ADAMTS6: variants seen among roughly 807,000 people sequenced by gnomAD.
ADAMTS6 encodes ADAM metallopeptidase with thrombospondin type 1 motif 6.
A neutral mutation model predicts 144.3 loss-of-function variants in ADAMTS6; 23 were observed. The ratio of observed to expected loss-of-function variants is 0.16; its 90% CI spans 0.11 to 0.23. The LOEUF (loss-of-function observed/expected upper bound fraction) is 0.23, where lower values mean the gene tolerates loss of function less well. Ranked by LOEUF, ADAMTS6 falls within the 10% of genes least tolerant of loss-of-function variation. The pLI is 1.00. For missense variants in ADAMTS6, 999 were observed against 1,379.6 expected (o/e 0.72, Z 4.37); for synonymous variants, 444 against 457.5 (o/e 0.97, Z 0.38).
rs1344915274 is a variant in ADAMTS6 at position 65,424,988 on chromosome 5, TTTTG to T, written c.1073+26483_1073+26486del. On this transcript the variant is annotated intron_variant, in intron 7 of 24. Transcript: ENST00000381055. ...CTTCTCCTAGTGATATACACAGATT[TTTTG>T]TTTGTTTGTTTTGTTTTTTTTGAGA... Among the ~76,000 whole-genome samples the T allele has an allele frequency of 3.3e-5, 5 of 152,072 alleles. No individual in the cohort carries two copies. In the East Asian group the frequency reaches 5.8e-4, roughly 18 times the overall value.
intron 7 of ADAMTS6, among the ~76,000 whole-genome samples, chr5:65,348,410 G>C (rs920673865): frequency 6.6e-6 from 1 of 152,032 alleles, no homozygotes; most frequent in African/African-American, 2.4e-5. Context: ...CAGGCACAGA[G>C]GGACAAATAC....
intron 20 of ADAMTS6, among the ~76,000 whole-genome samples, chr5:65,201,946 A>G (rs1320227893): frequency 6.6e-6 from 1 of 152,226 alleles, no homozygotes; most frequent in African/African-American, 2.4e-5. Context: ...GATAGCATCC[A>G]AAGAGTGACA....
intron 12 of ADAMTS6, among the ~76,000 whole-genome samples, chr5:65,269,901 C>T (rs569645358): frequency 6.6e-5 from 10 of 151,718 alleles, no homozygotes; most frequent in Middle Eastern, 3.4e-3. Context: ...TCAAGTGATC[C>T]TCCTGTCTCA....
chr5:65,181,693 C>T (rs1754362525), intron 22 of ADAMTS6, among the ~76,000 whole-genome samples: 1 of 152,070 alleles, frequency 6.6e-6, no homozygotes, highest in African/African-American at 2.4e-5. Context: ...AAACTCATGA[C>T]AATACATAGT....
intron 3 of ADAMTS6, among the ~76,000 whole-genome samples, chr5:65,463,815 A>G (rs1189326614): frequency 6.6e-6 from 1 of 152,148 alleles, no homozygotes; most frequent in Non-Finnish European, 1.5e-5. Flanking sequence ...TCTAACAAAA[A>G]CCTGAAGCTC....
At chr5:65,375,796 A>G (rs1751474211) in intron 7 of ADAMTS6, among the ~76,000 whole-genome samples, 1 of 152,208 alleles carries the variant, frequency 6.6e-6, no homozygotes, top group African/African-American at 2.4e-5. Flanking sequence ...ATGCTGCTAT[A>G]AAGGCACATG....
At chr5:65,192,367 A>C (rs1755069918) in intron 21 of ADAMTS6, among the ~76,000 whole-genome samples, 1 of 151,988 alleles carries the variant, frequency 6.6e-6, no homozygotes, top group Non-Finnish European at 1.5e-5. Context: ...GAAGTTGATT[A>C]ATAAATGTTT....
In ADAMTS6 at chr5:65,422,127, T is replaced by TA. The variant is rs1484640460; in HGVS notation, c.1073+29347dup. Reference sequence around the variant, plus strand: ...AATCAGCAAGAAAAAAAAATCCCATTAAAAGGTGGGCAAATGACACGAATA... The same window carrying TA: ...AATCAGCAAGAAAAAAAAATCCCATTAAAAAGGTGGGCAAATGACACGAATA... On this transcript the variant is annotated intron_variant, in intron 7 of 24. Transcript: ENST00000381055. Among the ~76,000 whole-genome samples, 3 of 151,828 alleles carry TA rather than the reference T, an allele frequency of 2.0e-5. No homozygotes were observed. In the East Asian group the frequency reaches 5.8e-4, roughly 29 times the overall value.
intron 7 of ADAMTS6, among the ~76,000 whole-genome samples, chr5:65,416,764 AAC>A (rs1432851262): frequency 1.5e-4 from 20 of 134,988 alleles, no homozygotes; most frequent in African/African-American, 5.1e-4. Context: ...AAAAAAAAAA[AAC>A]CAACAACAAC....
chr5:65,339,679 G>T (rs1003591680), intron 7 of ADAMTS6, among the ~76,000 whole-genome samples: 21 of 151,648 alleles, frequency 1.4e-4, no homozygotes, highest in Admixed American at 2.6e-4. Flanking sequence ...GAAGAAAAGA[G>T]AAATACTAGA....
At chr5:65,426,775 A>C (rs1346084021) in intron 7 of ADAMTS6, among the ~76,000 whole-genome samples, 1 of 152,146 alleles carries the variant, frequency 6.6e-6, no homozygotes, top group Non-Finnish European at 1.5e-5. Flanking sequence ...AGTCAAACAT[A>C]TGTCAAAAGA....
At chr5:65,382,762 G>T (rs972874037) in intron 7 of ADAMTS6, among the ~76,000 whole-genome samples, 1 of 152,154 alleles carries the variant, frequency 6.6e-6, no homozygotes, top group Non-Finnish European at 1.5e-5. Flanking sequence ...CCTAAGAGAG[G>T]TCTTTCCTGA....
chr5:65,300,732 C>T (rs564583070), intron 9 of ADAMTS6, among the ~76,000 whole-genome samples: 6 of 151,940 alleles, frequency 3.9e-5, no homozygotes, highest in South Asian at 2.1e-4. Flanking sequence ...CCCGGGTTCA[C>T]GCCATTGTCC....
intron 14 of ADAMTS6, among the ~76,000 whole-genome samples, chr5:65,249,729 T>C (rs1049643027): frequency 2.0e-5 from 3 of 152,184 alleles, no homozygotes; most frequent in African/African-American, 7.2e-5. Flanking sequence ...ATATATAAAG[T>C]ATGTTTATAA....
chr5:65,254,626 G>T lies in ADAMTS6; in HGVS notation c.1830+5974C>A, dbSNP rs140191665. The stretch of plus-strand genomic sequence containing the variant: ...AACTGAGCAAAAAATAGAATGTGGG[G>T]TGAACGGTCATCATGTGCAGTCCAA... On this transcript the variant is annotated intron_variant, in intron 14 of 24. Coordinates refer to ENST00000381055, the MANE Select transcript of ADAMTS6 (RefSeq NM_197941.4). Among the ~76,000 whole-genome samples, 301 of 152,302 alleles carry T rather than the reference G, an allele frequency of 2.0e-3. 2 individuals carry two copies. Among genetic ancestry groups the T allele is most frequent in the Non-Finnish European group, 3.7e-3 (255 of 68,006 alleles).
chr5:65,416,112 G>A (rs1755483737), intron 7 of ADAMTS6: 1 of 193,884 alleles, frequency 5.2e-6, no homozygotes, highest in South Asian at 1.1e-4. Flanking sequence ...CCTCCGGAAG[G>A]AGACTGTATT....
chr5:65,445,950 T>C (rs1184661558), intron 7 of ADAMTS6, among the ~76,000 whole-genome samples: 1 of 152,150 alleles, frequency 6.6e-6, no homozygotes, highest in Non-Finnish European at 1.5e-5. Context: ...AACTATATGA[T>C]CATCTCAAAC....
chr5:65,181,170 T>A (rs1222916451), intron 22 of ADAMTS6, among the ~76,000 whole-genome samples: 1 of 152,250 alleles, frequency 6.6e-6, no homozygotes, highest in Admixed American at 6.5e-5. Context: ...GTACTTTATA[T>A]GTATTGTCTA....
At chr5:65,363,065 C>A (rs1580494703) in intron 7 of ADAMTS6, among the ~76,000 whole-genome samples, 1 of 152,104 alleles carries the variant, frequency 6.6e-6, no homozygotes. Flanking sequence ...AGAAGCCTGT[C>A]ACGGTTTCAC....
Sources: allele counts gnomAD v4.1 joint callset (sites outside exome capture counted in the v4.1 genomes callset), GRCh38; gene constraint gnomAD v4.1.1; transcripts MANE v1.5; gene names NCBI Gene and HGNC (gene_info 2026-07-23, HGNC 2026-07-21).